The following CSNK1G1 variants were observed in gnomAD, a reference collection of about 807,000 sequenced individuals.
CSNK1G1 encodes the protein casein kinase I isoform gamma-1.
A neutral mutation model predicts 59.6 loss-of-function variants in CSNK1G1; 22 were observed. The ratio of observed to expected loss-of-function variants is 0.37; its 90% CI spans 0.26 to 0.53. The LOEUF (loss-of-function observed/expected upper bound fraction) is 0.53, where lower values mean the gene tolerates loss of function less well. CSNK1G1 is among the 20% of genes least tolerant of loss of function. The pLI is 0.89. For missense variants in CSNK1G1, 384 were observed against 519.5 expected (o/e 0.74, Z 2.54); for synonymous variants, 179 against 177.1 (o/e 1.01, Z -0.08).
intron 11 of CSNK1G1, among the ~76,000 whole-genome samples, chr15:64,173,865 C>T (rs891293454): frequency 3.9e-5 from 6 of 152,006 alleles, no homozygotes; most frequent in African/African-American, 7.3e-5. Context: ...CCACCTGCCT[C>T]GGCCTCCCAA....
intron 2 of CSNK1G1, among the ~76,000 whole-genome samples, chr15:64,281,322 G>A (rs558759990): frequency 1.3e-5 from 2 of 152,142 alleles, no homozygotes; most frequent in Non-Finnish European, 2.9e-5. Context: ...CAGAAAGTAG[G>A]GGCTGGGTGC....
intron 1 of CSNK1G1, among the ~76,000 whole-genome samples, chr15:64,350,298 C>A (rs1170348710): frequency 6.6e-6 from 1 of 151,984 alleles, no homozygotes. Flanking sequence ...TCGAGACCAT[C>A]CTGGCTAACA....
At chr15:64,305,467 GTGT>G (rs953365185) in intron 1 of CSNK1G1, among the ~76,000 whole-genome samples, 4 of 152,030 alleles carry the variant, frequency 2.6e-5, no homozygotes, top group African/African-American at 9.7e-5. Context: ...TGTAATCCCA[GTGT>G]GTTGGGAGGC....
intron 2 of CSNK1G1, among the ~76,000 whole-genome samples, chr15:64,271,867 A>T (rs1893326891): frequency 6.6e-6 from 1 of 152,086 alleles, no homozygotes; most frequent in South Asian, 2.1e-4. Flanking sequence ...GAGTGCTGCT[A>T]TTATTGTGTG....
chr15:64,337,390 C>A (rs971075540), intron 1 of CSNK1G1, among the ~76,000 whole-genome samples: 1 of 152,078 alleles, frequency 6.6e-6, no homozygotes, highest in African/African-American at 2.4e-5. Context: ...GCTCTGCCAC[C>A]CAGGCTGAAA....
intron 1 of CSNK1G1, among the ~76,000 whole-genome samples, chr15:64,312,439 G>A (rs962277777): frequency 6.6e-6 from 1 of 152,164 alleles, no homozygotes; most frequent in African/African-American, 2.4e-5. Context: ...AGTGGCCTCA[G>A]AAATAACACC....
intron 2 of CSNK1G1, among the ~76,000 whole-genome samples, chr15:64,278,377 C>CGTGT (rs56064136): frequency 0.066 from 7,357 of 111,282 alleles, 291 homozygotes; most frequent in East Asian, 0.11. Context: ...CATGTATGTG[C>CGTGT]GTGTGTGTGT....
chr15:64,245,982 TA>T (rs1229905971), intron 4 of CSNK1G1, among the ~76,000 whole-genome samples: 6 of 152,126 alleles, frequency 3.9e-5, no homozygotes, highest in Non-Finnish European at 7.3e-5. Context: ...GGTTAATGGG[TA>T]CAAACATACA....
chr15:64,350,054 A>G (rs1898196664), intron 1 of CSNK1G1, among the ~76,000 whole-genome samples: 1 of 152,222 alleles, frequency 6.6e-6, no homozygotes, highest in South Asian at 2.1e-4. Flanking sequence ...AATTTAAGTA[A>G]GCTTGTTTTA....
intron 1 of CSNK1G1, among the ~76,000 whole-genome samples, chr15:64,339,339 G>A (rs771603151): frequency 7.2e-5 from 11 of 152,142 alleles, no homozygotes; most frequent in Non-Finnish European, 1.2e-4. Context: ...TTGAGGTAGA[G>A]TCTCACTCTC....
chr15:64,186,996 T>A (rs1305081896), intron 10 of CSNK1G1, among the ~76,000 whole-genome samples: 2 of 151,938 alleles, frequency 1.3e-5, no homozygotes, highest in Non-Finnish European at 2.9e-5. Context: ...CTAATTTTTG[T>A]ATTTTTAGTA....
Position 64,210,166 on chromosome 15 carries a change from T to C in CSNK1G1, c.680-2572A>G, listed in dbSNP as rs1440659460. On this transcript the variant is annotated intron_variant, in intron 6 of 11. Coordinates refer to ENST00000303052, the MANE Select transcript of CSNK1G1 (RefSeq NM_022048.5). This position sits in a 1 kb window ranked among gnomAD's most constrained non-coding sequence, Gnocchi z 4.2. ...GGGTACCTAAATCAGCTCAACGATT[T>C]AGGTATCTAGATCTTGGTTTATCCT... Among the ~76,000 whole-genome samples the C allele has an allele frequency of 6.6e-6, 1 of 152,176 alleles. No individual in the cohort carries two copies.
At position 64,339,004 on chromosome 15, in the gene CSNK1G1, C is replaced by T. The variant is rs113564655; in HGVS notation, c.-225+16984G>A. 7.0e-3 allele frequency among the ~76,000 whole-genome samples: 1,064 copies of T among 151,054 alleles called. 11 individuals are homozygous for T. Among genetic ancestry groups the T allele is most frequent in the African/African-American group, 0.017 (709 of 41,112 alleles). On this transcript the variant is annotated intron_variant, in intron 1 of 11. Transcript: ENST00000303052. ...TGCACTACAGCCTGGGCAACAAGAG[C>T]GAAACTCCATCTCAAAAAAAAAGTA...
intron 10 of CSNK1G1, among the ~76,000 whole-genome samples, chr15:64,195,871 C>T (rs578020182): frequency 5.3e-5 from 8 of 152,208 alleles, no homozygotes; most frequent in Non-Finnish European, 8.8e-5. Flanking sequence ...CTTTTAGGAA[C>T]GTTTATTCTA....
At chr15:64,353,792 T>G (rs1014467224) in intron 1 of CSNK1G1, among the ~76,000 whole-genome samples, 2 of 152,078 alleles carry the variant, frequency 1.3e-5, no homozygotes, top group African/African-American at 4.8e-5. Context: ...ATTGCCCCAG[T>G]GCATTCATTC....
At chr15:64,215,370 G>A (rs971774619) in intron 5 of CSNK1G1, among the ~76,000 whole-genome samples, 25 of 151,878 alleles carry the variant, frequency 1.6e-4, no homozygotes, top group South Asian at 6.2e-4. Context: ...TCGCCACCAC[G>A]CCCAGCTAAT....
At chr15:64,327,053 C>G (rs1896884856) in intron 1 of CSNK1G1, among the ~76,000 whole-genome samples, 2 of 151,482 alleles carry the variant, frequency 1.3e-5, no homozygotes, top group African/African-American at 4.8e-5. Context: ...ATTGCTAGCA[C>G]AGCAGTCTGA....
chr15:64,191,016 G>A (rs923256968), intron 10 of CSNK1G1, among the ~76,000 whole-genome samples: 13 of 152,162 alleles, frequency 8.5e-5, no homozygotes, highest in Middle Eastern at 3.4e-3. Context: ...CATACTAAAT[G>A]CAATTACATC....
At chr15:64,221,579 G>A (rs2082388939) in intron 4 of CSNK1G1, among the ~76,000 whole-genome samples, 1 of 151,630 alleles carries the variant, frequency 6.6e-6, no homozygotes, top group Non-Finnish European at 1.5e-5. Flanking sequence ...TTCTAGGAGA[G>A]GGTCAAGGTC....
Sources: allele counts gnomAD v4.1 joint callset (sites outside exome capture counted in the v4.1 genomes callset), GRCh38; gene constraint gnomAD v4.1.1; non-coding constraint Gnocchi (gnomAD v3.1); transcripts MANE v1.5; gene names NCBI Gene and HGNC (gene_info 2026-07-23, HGNC 2026-07-21).